Variants in RIPOR2 observed in about 807,000 individuals in gnomAD.
RIPOR2 encodes RHO family interacting cell polarization regulator 2, also known as rho family-interacting cell polarization regulator 2.
A neutral mutation model predicts 114.5 loss-of-function variants in RIPOR2; 39 were observed. That is an observed-to-expected ratio of 0.34 (90% CI 0.26 to 0.44). The LOEUF (loss-of-function observed/expected upper bound fraction) is 0.44, where lower values mean the gene tolerates loss of function less well. Ranked by LOEUF, RIPOR2 falls within the 20% of genes least tolerant of loss-of-function variation. The pLI is 1.00. For missense variants in RIPOR2, 1,007 were observed against 1,255.1 expected, an observed-to-expected ratio of 0.80 and a Z score of 2.99; for synonymous variants, 445 against 484.4, an observed-to-expected ratio of 0.92 and a Z score of 1.07.
chr6:24,988,348 A>AT (rs1004676755), intron 1 of RIPOR2, among the ~76,000 whole-genome samples: 33 of 152,146 alleles, frequency 2.2e-4, no homozygotes, highest in African/African-American at 7.9e-4. Flanking sequence ...TAATTTTTGT[A>AT]TTTTTAGTAC....
At chr6:24,826,343 C>T (rs1332105848) in intron 18 of RIPOR2, among the ~76,000 whole-genome samples, 1 of 152,154 alleles carries the variant, frequency 6.6e-6, no homozygotes, top group East Asian at 1.9e-4. Flanking sequence ...TACTCCCTAA[C>T]CAGAAATCCA....
intron 1 of RIPOR2, chr6:25,024,003 G>A (rs1776469234): frequency 9.4e-6 from 7 of 746,642 alleles, no homozygotes; most frequent in Non-Finnish European, 1.7e-5. Flanking sequence ...GCTGCTTTGC[G>A]TATTCCATCA....
rs756843533 is a variant in RIPOR2 at position 24,806,423 on chromosome 6, A to G, written c.3094T>C (p.Cys1032Arg). 39 of 1,551,722 alleles carry G rather than the reference A, an allele frequency of 2.5e-5. No homozygotes were observed. Among genetic ancestry groups the G allele is most frequent in the Admixed American group, 5.9e-5 (3 of 50,960 alleles). ...YEQLDKFPRD[C>R]VKVGGRHGTE... ...CCATGACGACCTCCGACTTTAACAC[A>G]GTCTCGAGGAAATTTGTCCAATTGT... The change falls in exon 22 of 22, where the codon TGT (cysteine) becomes CGT (arginine). Residue 1032 changes from cysteine (C) to arginine (R), a missense_variant. Coordinates refer to ENST00000643898, the MANE Select transcript of RIPOR2 (RefSeq NM_001286445.3).
rs1162361856 is a variant in RIPOR2, at chr6:24,847,557, G to A, written c.1164+468C>T. 6 of 1,551,488 alleles carry A rather than the reference G, an allele frequency of 3.9e-6. No homozygotes were observed. The highest frequency in any genetic ancestry group is 2.4e-5 in the East Asian group (1 of 40,934). On this transcript the variant is annotated intron_variant, in intron 12 of 21. Coordinates refer to ENST00000643898, the MANE Select transcript of RIPOR2 (RefSeq NM_001286445.3). ...CCACACTCACATAGAGCTCTAGCAC[G>A]GCCTTGGGACTCGGCCTGAGGGAGG...
intron 8 of RIPOR2, 64 bp downstream of exon 8, chr6:24,860,909 C>T: frequency 9.4e-7 from 1 of 1,068,176 alleles, no homozygotes; most frequent in East Asian, 2.6e-5. Flanking sequence ...GGCTCTCAAA[C>T]TTCAAGGAGC....
At chr6:24,868,702 AG>A (rs1228961861) in intron 6 of RIPOR2, among the ~76,000 whole-genome samples, 2 of 152,214 alleles carry the variant, frequency 1.3e-5, no homozygotes, top group Non-Finnish European at 2.9e-5. Context: ...GGTAGTTATA[AG>A]GCCTTCATGA....
At chr6:24,877,026 G>C (rs1765848528) in intron 1 of RIPOR2, 1 of 985,126 alleles carries the variant, frequency 1.0e-6, no homozygotes, top group African/African-American at 1.7e-5. Flanking sequence ...TTACTGCCCA[G>C]ATTGAAGACT....
At chr6:24,889,621 G>T (rs905788324) in intron 1 of RIPOR2, among the ~76,000 whole-genome samples, 11 of 151,924 alleles carry the variant, frequency 7.2e-5, no homozygotes, top group Non-Finnish European at 2.9e-5. Context: ...GCACAGAAAT[G>T]CTTGTTAAAT....
chr6:24,935,807 G>A (rs1044923859), intron 1 of RIPOR2, 31 bp downstream of exon 1: 21 of 1,497,166 alleles, frequency 1.4e-5, no homozygotes, highest in South Asian at 2.4e-5. Context: ...AAAGCAGACC[G>A]GAGAGCCTCC....
At chr6:24,894,336 A>G (rs1384001670) in intron 1 of RIPOR2, among the ~76,000 whole-genome samples, 1 of 152,178 alleles carries the variant, frequency 6.6e-6, no homozygotes, top group Admixed American at 6.5e-5. Context: ...GTTGTATAGA[A>G]GGGAAATTCA....
intron 1 of RIPOR2, among the ~76,000 whole-genome samples, chr6:24,954,780 G>T (rs1007217454): frequency 2.0e-5 from 3 of 151,802 alleles, no homozygotes; most frequent in African/African-American, 7.2e-5. Context: ...GCTTCTCATG[G>T]CAAAGAAATA....
chr6:24,919,941 G>A (rs919822127), intron 1 of RIPOR2, among the ~76,000 whole-genome samples: 6 of 152,178 alleles, frequency 3.9e-5, no homozygotes, highest in Admixed American at 3.9e-4. Flanking sequence ...TGATTTCGGT[G>A]TTTGGAGAGT....
chr6:24,865,010 C>T (rs186081529), intron 7 of RIPOR2, among the ~76,000 whole-genome samples: 212 of 152,262 alleles, frequency 1.4e-3, no homozygotes, highest in Admixed American at 3.4e-3. Context: ...TGCAGTGGCG[C>T]GATCGTAGCT....
chr6:24,981,790 T>C (rs1272462534), intron 1 of RIPOR2, among the ~76,000 whole-genome samples: 5 of 152,336 alleles, frequency 3.3e-5, no homozygotes, highest in Middle Eastern at 3.4e-3. Flanking sequence ...ATAAAGAGTA[T>C]AGTAACAGCT....
chr6:24,946,529 C>T (rs1031365788), intron 1 of RIPOR2, among the ~76,000 whole-genome samples: 3 of 151,964 alleles, frequency 2.0e-5, no homozygotes, highest in African/African-American at 7.2e-5. Context: ...GCTAAGATCG[C>T]ACCACTGCAC....
chr6:24,841,944 A>G (rs1761761337), intron 13 of RIPOR2, among the ~76,000 whole-genome samples: 1 of 152,122 alleles, frequency 6.6e-6, no homozygotes, highest in Admixed American at 6.6e-5. Flanking sequence ...AAAGGGATGC[A>G]ACAGCTTTCT....
At chr6:24,949,982 C>T (rs1772666454) in intron 1 of RIPOR2, among the ~76,000 whole-genome samples, 1 of 152,198 alleles carries the variant, frequency 6.6e-6, no homozygotes, top group Non-Finnish European at 1.5e-5. Context: ...GAAGGGGTGG[C>T]TCCACTCTCT....
At chr6:25,042,146 G>A (rs892442809), upstream of RIPOR2, 1 of 464,990 alleles carries the variant, frequency 2.2e-6, no homozygotes, top group African/African-American at 2.0e-5. Flanking sequence ...ACTTCCGACT[G>A]GCCCGAAGGC....
At chr6:24,959,461 G>A (rs1300250966) in intron 1 of RIPOR2, among the ~76,000 whole-genome samples, 1 of 152,216 alleles carries the variant, frequency 6.6e-6, no homozygotes, top group African/African-American at 2.4e-5. Context: ...AGGAAAGATT[G>A]CTTTAATAGA....
Sources: allele counts gnomAD v4.1 joint callset (sites outside exome capture counted in the v4.1 genomes callset), GRCh38; gene constraint gnomAD v4.1.1; transcripts MANE v1.5; gene names NCBI Gene and HGNC (gene_info 2026-07-23, HGNC 2026-07-21).